The following TSPEAR variants were observed in gnomAD, a reference collection of about 807,000 sequenced individuals.
TSPEAR encodes the protein thrombospondin type laminin G domain and EAR repeats.
Under a neutral mutation model 71.6 loss-of-function variants are expected in TSPEAR, and 69 were observed. The observed-to-expected ratio is 0.96, with a 90% CI of 0.79 to 1.18. The LOEUF is 1.18. Among genes scored for constraint, TSPEAR ranks in the 50% most tolerant of loss-of-function variants. The pLI, the probability that TSPEAR is intolerant of heterozygous loss-of-function variation, is 0.00. For synonymous variants in TSPEAR, 402 were observed against 387.2 expected (o/e 1.04, Z -0.45); for missense variants, 971 against 894.9 (o/e 1.09, Z -1.09).
intron 3 of TSPEAR, 146 bp downstream of exon 3, chr21:44,533,539 C>A (rs464147): frequency 4.3e-6 from 3 of 694,866 alleles, no homozygotes; most frequent in Non-Finnish European, 7.2e-6. Flanking sequence ...ATGGCTCCTG[C>A]CCCTCCACCC....
At chr21:44,632,884 G>A (rs587771023) in intron 1 of TSPEAR, among the ~76,000 whole-genome samples, 1 of 151,992 alleles carries the variant, frequency 6.6e-6, no homozygotes, top group Non-Finnish European at 1.5e-5. Flanking sequence ...CACTAATAAA[G>A]GTATCAGTTT....
chr21:44,707,816 T>C (rs1988011392), intron 1 of TSPEAR, among the ~76,000 whole-genome samples: 1 of 152,146 alleles, frequency 6.6e-6, no homozygotes, highest in African/African-American at 2.4e-5. Context: ...AGAACATGAA[T>C]GGATTCAGTA....
rs1435766597 is a variant in TSPEAR at position 44,623,487 on chromosome 21, AT to A, written c.83-55483del. 1.3e-5 allele frequency among the ~76,000 whole-genome samples: 2 copies of A among 152,224 alleles called. No individual in the cohort carries two copies. Among genetic ancestry groups the A allele is most frequent in the Admixed American group, 1.3e-4 (2 of 15,290 alleles). Reference sequence around the variant, plus strand: ...AAGACATCTTATACAGTAAATATTCATTTAGATTTCCCCATGTTGTCCTCCT... The same window carrying A: ...AAGACATCTTATACAGTAAATATTCATTAGATTTCCCCATGTTGTCCTCCT... On this transcript the variant is annotated intron_variant, in intron 1 of 11. Coordinates refer to ENST00000323084, the MANE Select transcript of TSPEAR (RefSeq NM_144991.3). The surrounding 1 kb of genome is among the most constrained non-coding windows in gnomAD (Gnocchi z 4.5).
rs915242080 is a variant in TSPEAR, at chr21:44,584,244, T to C, written c.83-16239A>G. Among the ~76,000 whole-genome samples the C allele has an allele frequency of 9.2e-5, 14 of 152,338 alleles. No homozygotes were observed. In the South Asian group the frequency reaches 2.9e-3, roughly 32 times the overall value. ...AGCATAGTGTGTGCAGGTTCATCCATGTTGCCACTAATGACAGGATCTCCC... is the reference window on the plus strand; with the variant it reads ...AGCATAGTGTGTGCAGGTTCATCCACGTTGCCACTAATGACAGGATCTCCC... On this transcript the variant is annotated intron_variant, in intron 1 of 11. Transcript: ENST00000323084.
At chr21:44,630,953 C>T (rs1451171669) in intron 1 of TSPEAR, among the ~76,000 whole-genome samples, 2 of 152,050 alleles carry the variant, frequency 1.3e-5, no homozygotes, top group African/African-American at 4.8e-5. Context: ...CAACAGCAAA[C>T]CACAGGGAAG....
Position 44,580,646 on chromosome 21 carries a change from AAG to A in TSPEAR, c.83-12643_83-12642del, listed in dbSNP as rs1555925016. On this transcript the variant is annotated intron_variant, in intron 1 of 11. Coordinates refer to ENST00000323084, the MANE Select transcript of TSPEAR (RefSeq NM_144991.3). ...GAGTGAGTGAGTGTGTGAGTGAGTG[AAG>A]GAGGGAGTGAGTGAGTGAGGTGCTC... 14 of 1,481,594 alleles carry A rather than the reference AAG, an allele frequency of 9.4e-6. No individual in the cohort carries two copies. The African/African-American group carries it at 1.8e-4, about 19-fold the overall frequency. The allele number at this position is 1,481,594 out of a possible 1,614,324, so 91.8% of individuals were successfully genotyped here.
At chr21:44,514,775 T>G (rs1601339545) in intron 9 of TSPEAR, among the ~76,000 whole-genome samples, 2 of 152,044 alleles carry the variant, frequency 1.3e-5, no homozygotes, top group African/African-American at 2.4e-5. Flanking sequence ...AGAAAGTTGT[T>G]CTAGAATTCC....
chr21:44,551,363 G>A lies in TSPEAR; in HGVS notation c.303+16422C>T. On this transcript the variant is annotated intron_variant, in intron 2 of 11. Coordinates refer to ENST00000323084, the MANE Select transcript of TSPEAR (RefSeq NM_144991.3). ...GGGCTGGGGCACAGCAGCTGGGGGT[G>A]CCGCAGGGGAGCTCACAGCAGCTCT... is the stretch of plus-strand genomic sequence containing the variant. The A allele has an allele frequency of 1.9e-6, 3 of 1,613,082 alleles. No individual in the cohort carries two copies. The East Asian group carries it at 6.7e-5, about 36-fold the overall frequency.
chr21:44,511,609 ACACACATGCACC>A (rs1423455337), intron 9 of TSPEAR, among the ~76,000 whole-genome samples: 1 of 152,192 alleles, frequency 6.6e-6, no homozygotes, highest in Non-Finnish European at 1.5e-5. Flanking sequence ...ACATCTACAC[ACACACATGCACC>A]CACACAGCAC....
At chr21:44,674,886 A>G (rs1555946645) in intron 1 of TSPEAR, among the ~76,000 whole-genome samples, 1 of 151,734 alleles carries the variant, frequency 6.6e-6, no homozygotes, top group Non-Finnish European at 1.5e-5. Flanking sequence ...AAAAAAAAAA[A>G]GAAAACCTGA....
intron 7 of TSPEAR, among the ~76,000 whole-genome samples, chr21:44,526,585 T>G (rs2052860806): frequency 6.6e-6 from 1 of 152,182 alleles, no homozygotes; most frequent in South Asian, 2.1e-4. Context: ...GAGAGCAGTT[T>G]CCATCTGCTG....
At chr21:44,637,343 A>G (rs2146218477) in intron 1 of TSPEAR, 15 of 1,530,504 alleles carry the variant, frequency 9.8e-6, no homozygotes, top group Middle Eastern at 2.4e-4. Flanking sequence ...AGCAGCTGAC[A>G]GGCTCACACA....
intron 1 of TSPEAR, among the ~76,000 whole-genome samples, chr21:44,603,827 C>CA (rs1979949284): frequency 6.6e-6 from 1 of 152,200 alleles, no homozygotes; most frequent in Non-Finnish European, 1.5e-5. Flanking sequence ...CAATATCTCA[C>CA]AAAAAATGCA....
At chr21:44,526,493 C>CAAAAAA (rs74818663) in intron 7 of TSPEAR, among the ~76,000 whole-genome samples, 2 of 138,456 alleles carry the variant, frequency 1.4e-5, no homozygotes, top group Admixed American at 7.2e-5. Flanking sequence ...TGTCATCAAT[C>CAAAAAA]AAAAAAAAAA....
Position 44,505,592 on chromosome 21 carries a change from G to A in TSPEAR, c.1755-711C>T, listed in dbSNP as rs1360497195. Among the ~76,000 whole-genome samples, 143 of 15,888 alleles carry A rather than the reference G, an allele frequency of 9.0e-3. 2 individuals are homozygous for A. The highest frequency in any genetic ancestry group is 0.033 in the African/African-American group (135 of 4,040). The allele number at this position is 15,888 out of a possible 152,430, so 10.4% of individuals were successfully genotyped here. The stretch of plus-strand genomic sequence containing the variant: ...TCCCCCCCCCCCCCCCCCCAGCCCC[G>A]GCACCCACCACGCCACTTTCTGTCT... On this transcript the variant is annotated intron_variant, in intron 10 of 11. Coordinates refer to ENST00000323084, the MANE Select transcript of TSPEAR (RefSeq NM_144991.3).
intron 2 of TSPEAR, chr21:44,558,618 G>A (rs1239699490): frequency 1.9e-6 from 3 of 1,606,060 alleles, no homozygotes; most frequent in East Asian, 4.5e-5. Flanking sequence ...GCAGCTGGTG[G>A]CGCAGCAGGG....
chr21:44,624,950 A>G lies in TSPEAR; in HGVS notation c.83-56945T>C, dbSNP rs1352560993. 2.0e-5 allele frequency among the ~76,000 whole-genome samples: 3 copies of G among 152,206 alleles called. No individual in the cohort carries two copies. The East Asian group carries it at 5.8e-4, about 29-fold the overall frequency. ...AAATAGAGATTTTGTTTGTTAAACC[A>G]GGTTTCCTAACTTTTCTCAGCTAGA... is the stretch of plus-strand genomic sequence containing the variant. On this transcript the variant is annotated intron_variant, in intron 1 of 11. Transcript: ENST00000323084.
rs2052197041 is a variant in TSPEAR at position 44,506,209 on chromosome 21, G to C, written c.1755-1328C>G. 6.6e-6 allele frequency among the ~76,000 whole-genome samples: 1 copy of C among 152,368 alleles called. No homozygotes were observed. The highest frequency in any genetic ancestry group is 6.5e-5 in the Admixed American group (1 of 15,314). Reference sequence around the variant, plus strand: ...CTGAATTTACCAAGGATGCATCTGTGCTTGGGGATGGCTCGGTTTGAGGGG... The same window carrying C: ...CTGAATTTACCAAGGATGCATCTGTCCTTGGGGATGGCTCGGTTTGAGGGG... On this transcript the variant is annotated intron_variant, in intron 10 of 11. Transcript: ENST00000323084. The surrounding 1 kb of genome is among the most constrained non-coding windows in gnomAD (Gnocchi z 4.2).
intron 1 of TSPEAR, among the ~76,000 whole-genome samples, chr21:44,621,914 T>A (rs1348920053): frequency 1.3e-5 from 2 of 152,172 alleles, no homozygotes; most frequent in Non-Finnish European, 2.9e-5. Context: ...CCCATACATT[T>A]CCCTCATGGC....
Sources: gnomAD v4.1 joint callset for allele counts (sites outside exome capture counted in the v4.1 genomes callset) on GRCh38, gnomAD v4.1.1 for gene constraint, Gnocchi (gnomAD v3.1) non-coding constraint, MANE v1.5 for transcripts, NCBI Gene and HGNC (gene_info 2026-07-23, HGNC 2026-07-21) for gene names.